Variants in BBS9 observed in about 807,000 individuals in gnomAD.
The protein encoded by BBS9 is protein PTHB1.
Under a neutral mutation model 117.7 loss-of-function variants are expected in BBS9, and 89 were observed. The ratio of observed to expected loss-of-function variants is 0.76; its 90% CI spans 0.64 to 0.90. The LOEUF (loss-of-function observed/expected upper bound fraction) is 0.90, where lower values mean the gene tolerates loss of function less well. BBS9 is among the 40% of genes least tolerant of loss of function. BBS9 has a pLI of 0.00. For synonymous variants in BBS9, 379 were observed against 370.9 expected, an observed-to-expected ratio of 1.02 and a Z score of -0.25; for missense variants, 982 against 1,042.2, an observed-to-expected ratio of 0.94 and a Z score of 0.80.
chr7:33,331,729 G>C (rs542825612), intron 9 of BBS9, among the ~76,000 whole-genome samples: 1 of 147,810 alleles, frequency 6.8e-6, no homozygotes, highest in East Asian at 2.0e-4. Context: ...AAAAATCTTA[G>C]GAATATACTT....
At chr7:33,599,701 A>G (rs1439213024) in intron 21 of BBS9, among the ~76,000 whole-genome samples, 1 of 152,190 alleles carries the variant, frequency 6.6e-6, no homozygotes, top group Non-Finnish European at 1.5e-5. Context: ...TTCATATTTT[A>G]TAATTTCACG....
intron 20 of BBS9, among the ~76,000 whole-genome samples, chr7:33,531,135 C>T (rs759561064): frequency 7.9e-5 from 12 of 152,170 alleles, no homozygotes; most frequent in Non-Finnish European, 1.5e-4. Context: ...ATCCCAGCTA[C>T]TCAGGAGGCT....
intron 4 of BBS9, among the ~76,000 whole-genome samples, chr7:33,173,927 G>A (rs1364041371): frequency 6.6e-6 from 1 of 152,176 alleles, no homozygotes; most frequent in Non-Finnish European, 1.5e-5. Context: ...GAAACAAAGT[G>A]GGTAGAACAC....
chr7:33,169,901 A>C (rs1796276726), intron 4 of BBS9, among the ~76,000 whole-genome samples: 1 of 151,702 alleles, frequency 6.6e-6, no homozygotes, highest in African/African-American at 2.4e-5. Context: ...CTATGTTCTG[A>C]ATGGTAATGC....
chr7:33,410,603 C>T (rs1038347863), intron 19 of BBS9, among the ~76,000 whole-genome samples: 1 of 152,184 alleles, frequency 6.6e-6, no homozygotes, highest in African/African-American at 2.4e-5. Context: ...TTGTCTACAT[C>T]TATTCCCAAC....
At chr7:33,323,891 G>T (rs1052047387) in intron 9 of BBS9, among the ~76,000 whole-genome samples, 1 of 136,070 alleles carries the variant, frequency 7.3e-6, no homozygotes. Context: ...AGGCTGGAGT[G>T]CAGTGGCATG....
At chr7:33,368,616 A>C (rs73688165) in intron 17 of BBS9, among the ~76,000 whole-genome samples, 1,870 of 145,678 alleles carry the variant, frequency 0.013, 34 homozygotes, top group African/African-American at 0.042. Flanking sequence ...ACACACACAC[A>C]CCCATACCCC....
intron 17 of BBS9, among the ~76,000 whole-genome samples, chr7:33,374,718 A>G (rs1823504898): frequency 6.6e-6 from 1 of 152,044 alleles, no homozygotes; most frequent in Non-Finnish European, 1.5e-5. Context: ...CCTGACCAAC[A>G]TGGAGAAACC....
At chr7:33,149,546 G>C (rs1467826558) in intron 2 of BBS9, among the ~76,000 whole-genome samples, 1 of 152,206 alleles carries the variant, frequency 6.6e-6, no homozygotes, top group African/African-American at 2.4e-5. Flanking sequence ...TCAGACTCTT[G>C]AGAGAGATAG....
intron 21 of BBS9, among the ~76,000 whole-genome samples, chr7:33,539,340 C>T (rs1851918672): frequency 6.6e-6 from 1 of 152,146 alleles, no homozygotes; most frequent in African/African-American, 2.4e-5. Flanking sequence ...TGAGCCCTCC[C>T]ATGTTATGGC....
At chr7:33,599,545 C>T (rs1230274824) in intron 21 of BBS9, among the ~76,000 whole-genome samples, 1 of 152,054 alleles carries the variant, frequency 6.6e-6, no homozygotes, top group Non-Finnish European at 1.5e-5. Flanking sequence ...CACAAAGGGC[C>T]ATATACATAA....
chr7:33,413,175 C>G (rs1831427844), intron 19 of BBS9, among the ~76,000 whole-genome samples: 1 of 152,164 alleles, frequency 6.6e-6, no homozygotes, highest in Non-Finnish European at 1.5e-5. Flanking sequence ...GGTGGAGAAG[C>G]AGGCATTCCT....
intron 20 of BBS9, among the ~76,000 whole-genome samples, chr7:33,520,787 G>A (rs73317099): frequency 0.14 from 21,293 of 152,074 alleles, 1,717 homozygotes; most frequent in African/African-American, 0.22. Flanking sequence ...CTCAGGGTTC[G>A]TCTTTCTTGG....
intron 1 of BBS9, among the ~76,000 whole-genome samples, chr7:33,134,327 C>A (rs1029666722): frequency 1.3e-5 from 2 of 151,026 alleles, no homozygotes; most frequent in East Asian, 3.9e-4. Context: ...GGCCTCCCAA[C>A]GTGCTGGGAT....
intron 19 of BBS9, among the ~76,000 whole-genome samples, chr7:33,440,732 G>C (rs1046729305): frequency 1.3e-5 from 2 of 152,194 alleles, no homozygotes. Context: ...TTTGAATATG[G>C]AAAAATTTCA....
At position 33,215,054 on chromosome 7, in the gene BBS9, T is replaced by C. The variant is rs540166389; in HGVS notation, c.442+37463T>C. Reference sequence around the variant, plus strand: ...AAAAATACAAAAAATTAGCTGGGCATGGTGGCGGGTACCTGTAGTCCCAGC... The same window carrying C: ...AAAAATACAAAAAATTAGCTGGGCACGGTGGCGGGTACCTGTAGTCCCAGC... On this transcript the variant is annotated intron_variant, in intron 5 of 22. Coordinates refer to ENST00000242067, the MANE Select transcript of BBS9 (RefSeq NM_198428.3). Among the ~76,000 whole-genome samples, 14 of 152,218 alleles carry C rather than the reference T, an allele frequency of 9.2e-5. No homozygotes were observed. In the South Asian group the frequency reaches 2.5e-3, roughly 27 times the overall value.
intron 19 of BBS9, among the ~76,000 whole-genome samples, chr7:33,391,298 A>C (rs2128765131): frequency 6.6e-6 from 1 of 152,256 alleles, no homozygotes; most frequent in East Asian, 1.9e-4. Flanking sequence ...AGATTTTTAA[A>C]GTCTTTTCCC....
At chr7:33,508,515 G>C (rs950039685) in intron 20 of BBS9, among the ~76,000 whole-genome samples, 6 of 152,164 alleles carry the variant, frequency 3.9e-5, no homozygotes, top group African/African-American at 1.4e-4. Context: ...TCATCATGGG[G>C]CCACAGGAAT....
At chr7:33,633,308 TAA>T (rs35247034) in intron 21 of BBS9, among the ~76,000 whole-genome samples, 8 of 148,258 alleles carry the variant, frequency 5.4e-5, no homozygotes, top group African/African-American at 2.0e-4. Context: ...AGAAAAGACT[TAA>T]AAAAAAAAAA....
Sources: allele counts gnomAD v4.1 joint callset (sites outside exome capture counted in the v4.1 genomes callset), GRCh38; gene constraint gnomAD v4.1.1; transcripts MANE v1.5; gene names NCBI Gene and HGNC (gene_info 2026-07-23, HGNC 2026-07-21).